FBXL7: variants seen among roughly 807,000 people sequenced by gnomAD.
FBXL7 encodes F-box and leucine rich repeat protein 7.
In FBXL7, 12 loss-of-function variants were observed where a neutral mutation model predicts 38.3. The ratio of observed to expected loss-of-function variants is 0.31; its 90% CI spans 0.20 to 0.51. The LOEUF is 0.51. Ranked by LOEUF, FBXL7 falls within the 20% of genes least tolerant of loss-of-function variation. The probability of loss-of-function intolerance (pLI) is 0.98; values close to 1 mark genes in which losing one functional copy is unlikely to be tolerated. For synonymous variants in FBXL7, 297 were observed against 300.9 expected (o/e 0.99, Z 0.13); for missense variants, 567 against 676.4 (o/e 0.84, Z 1.79).
intron 2 of FBXL7, among the ~76,000 whole-genome samples, chr5:15,765,435 A>G (rs1022883759): frequency 1.3e-5 from 2 of 152,180 alleles, no homozygotes; most frequent in South Asian, 2.1e-4. Context: ...TATAGTAACA[A>G]ATGCCCAAGA....
intron 1 of FBXL7, among the ~76,000 whole-genome samples, chr5:15,508,941 G>T (rs1300864491): frequency 1.3e-5 from 2 of 152,142 alleles, no homozygotes; most frequent in Non-Finnish European, 2.9e-5. Context: ...TGCAGTAATG[G>T]ATACCAAGTA....
chr5:15,592,594 C>G (rs1368634128), intron 1 of FBXL7, among the ~76,000 whole-genome samples: 3 of 152,108 alleles, frequency 2.0e-5, no homozygotes, highest in Admixed American at 6.5e-5. Context: ...CTGCTGACAG[C>G]CTCATGGAAA....
intron 2 of FBXL7, among the ~76,000 whole-genome samples, chr5:15,899,468 A>G (rs1741183041): frequency 6.6e-6 from 1 of 152,252 alleles, no homozygotes; most frequent in Admixed American, 6.5e-5. Context: ...CATTTCTATG[A>G]AAAAGGAGTT....
chr5:15,899,370 C>G (rs938729484), intron 2 of FBXL7, among the ~76,000 whole-genome samples: 2 of 152,166 alleles, frequency 1.3e-5, no homozygotes, highest in Admixed American at 6.5e-5. Context: ...CCTGGCCAAT[C>G]ATTACAATAT....
chr5:15,645,873 G>T (rs1016343237), intron 2 of FBXL7, among the ~76,000 whole-genome samples: 1 of 152,210 alleles, frequency 6.6e-6, no homozygotes, highest in Non-Finnish European at 1.5e-5. Context: ...CAATGTTGTT[G>T]CCTAGCCTTC....
chr5:15,621,477 A>G (rs1032569170), intron 2 of FBXL7, among the ~76,000 whole-genome samples: 8 of 152,112 alleles, frequency 5.3e-5, no homozygotes, highest in African/African-American at 1.9e-4. Flanking sequence ...TTTGACCTTC[A>G]GTTATGAAAG....
chr5:15,665,311 T>C (rs561684194), intron 2 of FBXL7, among the ~76,000 whole-genome samples: 62 of 152,354 alleles, frequency 4.1e-4, no homozygotes, highest in Non-Finnish European at 6.8e-4. Context: ...GACCTTTAGC[T>C]TTGTAAACTA....
chr5:15,776,368 G>A (rs961787416), intron 2 of FBXL7, among the ~76,000 whole-genome samples: 1 of 152,042 alleles, frequency 6.6e-6, no homozygotes, highest in African/African-American at 2.4e-5. Flanking sequence ...ATAATTTAAA[G>A]TTCATGTTTC....
chr5:15,629,780 A>AT (rs1740939720), intron 2 of FBXL7, among the ~76,000 whole-genome samples: 1 of 152,178 alleles, frequency 6.6e-6, no homozygotes, highest in African/African-American at 2.4e-5. Context: ...CGTTTATTGA[A>AT]TGGATGAATG....
At position 15,937,288 on chromosome 5, in the gene FBXL7, T is replaced by G; in HGVS notation, c.*102T>G. The G allele has an allele frequency of 7.8e-5, 104 of 1,327,160 alleles. No homozygotes were observed. Among genetic ancestry groups the G allele is most frequent in the Non-Finnish European group, 9.4e-5 (94 of 1,002,240 alleles). The allele number at this position is 1,327,160 out of a possible 1,614,324, so 82.2% of individuals were successfully genotyped here. A position where few individuals can be genotyped will look rare whatever the true frequency, so the allele number is the denominator to read the frequency against. On this transcript the variant is annotated 3_prime_UTR_variant, in exon 4 of 4. Transcript: ENST00000504595. ...CACCGACACCCACTCAAAACAGCTCTTTCTTCCGGGAAGGTTATTAGGAAT... is the reference window on the plus strand; with the variant it reads ...CACCGACACCCACTCAAAACAGCTCGTTCTTCCGGGAAGGTTATTAGGAAT...
rs549721638 is a variant in FBXL7, at chr5:15,912,551, A to T, written c.128-15339A>T. Reference sequence around the variant, plus strand: ...TATTTGGCCATCTTGGCTCCTCCCCACCGACCTAGAAGGATTTTCCACAAG... The same window carrying T: ...TATTTGGCCATCTTGGCTCCTCCCCTCCGACCTAGAAGGATTTTCCACAAG... On this transcript the variant is annotated intron_variant, in intron 2 of 3. Transcript: ENST00000504595. Among the ~76,000 whole-genome samples, 339 of 149,448 alleles carry T rather than the reference A, an allele frequency of 2.3e-3. 1 individual carries two copies. Among genetic ancestry groups the T allele is most frequent in the Non-Finnish European group, 2.6e-3 (177 of 67,860 alleles).
At chr5:15,916,493 T>G (rs1741588543) in intron 2 of FBXL7, among the ~76,000 whole-genome samples, 1 of 151,812 alleles carries the variant, frequency 6.6e-6, no homozygotes, top group African/African-American at 2.4e-5. Context: ...GAGTTAAGAG[T>G]GCAACCCTTG....
chr5:15,522,496 G>A (rs1366601100), intron 1 of FBXL7, among the ~76,000 whole-genome samples: 2 of 152,062 alleles, frequency 1.3e-5, no homozygotes, highest in African/African-American at 2.4e-5. Flanking sequence ...ATGCATACTC[G>A]ACCTCTCTAA....
rs185818157 is a variant in FBXL7, at chr5:15,706,553, A to G, written c.127+90481A>G. On this transcript the variant is annotated intron_variant, in intron 2 of 3. Coordinates refer to ENST00000504595, the MANE Select transcript of FBXL7 (RefSeq NM_012304.5). ...TGGGATACAATGTGTAGAGAAAGCA[A>G]GAATGGAAGTGGTTCAGTTTGTTTT... 3.3e-3 allele frequency among the ~76,000 whole-genome samples: 498 copies of G among 152,340 alleles called. 8 individuals are homozygous for G. In the South Asian group the frequency reaches 0.042, roughly 13 times the overall value.
chr5:15,596,529 T>G (rs1309770469), intron 1 of FBXL7, among the ~76,000 whole-genome samples: 1 of 152,136 alleles, frequency 6.6e-6, no homozygotes, highest in African/African-American at 2.4e-5. Flanking sequence ...GTAAGGCACT[T>G]GAAAAGTAAA....
chr5:15,593,739 T>G (rs1056598510), intron 1 of FBXL7, among the ~76,000 whole-genome samples: 1 of 152,194 alleles, frequency 6.6e-6, no homozygotes, highest in Admixed American at 6.5e-5. Flanking sequence ...TTTTTGGAGT[T>G]GGTGAATTTG....
rs139888309 is a variant in FBXL7 at position 15,855,350 on chromosome 5, C to CAT, written c.128-72528_128-72527dup. Among the ~76,000 whole-genome samples, 517 of 151,262 alleles carry CAT rather than the reference C, an allele frequency of 3.4e-3. 3 individuals are homozygous for CAT. Among genetic ancestry groups the CAT allele is most frequent in the African/African-American group, 0.011 (437 of 41,322 alleles). On this transcript the variant is annotated intron_variant, in intron 2 of 3. Coordinates refer to ENST00000504595, the MANE Select transcript of FBXL7 (RefSeq NM_012304.5). The stretch of plus-strand genomic sequence containing the variant: ...TTTTACCCTTTCAGACGTTTTTCTG[C>CAT]ATATATATATATAGAAATAACTCTC...
At chr5:15,560,458 T>C (rs894644596) in intron 1 of FBXL7, among the ~76,000 whole-genome samples, 1 of 152,194 alleles carries the variant, frequency 6.6e-6, no homozygotes, top group Non-Finnish European at 1.5e-5. Context: ...TGGTTCCAAA[T>C]TGACCAGCCT....
At chr5:15,837,727 A>G (rs375220802) in intron 2 of FBXL7, among the ~76,000 whole-genome samples, 6 of 152,252 alleles carry the variant, frequency 3.9e-5, no homozygotes, top group African/African-American at 1.2e-4. Context: ...CCAGAGGTCA[A>G]GTTAGTCAAA....
Sources: allele counts gnomAD v4.1 joint callset (sites outside exome capture counted in the v4.1 genomes callset), GRCh38; gene constraint gnomAD v4.1.1; transcripts MANE v1.5; gene names NCBI Gene and HGNC (gene_info 2026-07-23, HGNC 2026-07-21).